Variants in DIP2A observed in about 807,000 individuals in gnomAD.
DIP2A encodes disco-interacting protein 2 homolog A.
A neutral mutation model predicts 177.4 loss-of-function variants in DIP2A; 85 were observed. The ratio of observed to expected loss-of-function variants is 0.48; its 90% CI spans 0.40 to 0.57. The LOEUF is 0.57. Among genes scored for constraint, DIP2A ranks in the 20% least tolerant of loss-of-function variants. The pLI is 0.00. For missense variants in DIP2A, 1,791 were observed against 2,100.2 expected, an observed-to-expected ratio of 0.85 and a Z score of 2.88; for synonymous variants, 886 against 881.8, an observed-to-expected ratio of 1.00 and a Z score of -0.08.
intron 1 of DIP2A, among the ~76,000 whole-genome samples, chr21:46,480,406 AC>A (rs2056263201): frequency 6.6e-6 from 1 of 152,178 alleles, no homozygotes; most frequent in African/African-American, 2.4e-5. Flanking sequence ...CTCCCATGAC[AC>A]GTGGGGATTA....
rs191865138 is a variant in DIP2A at position 46,561,017 on chromosome 21, A to T, written c.4031+234A>T. The T allele has an allele frequency of 4.2e-3, 4,103 of 985,312 alleles. 5 individuals are homozygous for T. The highest frequency in any genetic ancestry group is 4.6e-3 in the Non-Finnish European group (3,808 of 829,864). The allele number at this position is 985,312 out of a possible 1,614,324, so 61.0% of individuals were successfully genotyped here. A position where few individuals can be genotyped will look rare whatever the true frequency, so the allele number is the denominator to read the frequency against. ...CCACTCCGGGCGTGCCTCCCAGGGG[A>T]GCTCAGTGTCTATCTCTGTGCGCCC... On this transcript the variant is annotated intron_variant, in intron 33 of 37. Coordinates refer to ENST00000417564, the MANE Select transcript of DIP2A (RefSeq NM_015151.4).
chr21:46,554,413 T>C (rs962064757), intron 26 of DIP2A, 121 bp downstream of exon 26: 5 of 1,548,808 alleles, frequency 3.2e-6, no homozygotes, highest in South Asian at 2.4e-5. Context: ...CCCTCCTCTC[T>C]GCATGTGTCT....
At chr21:46,573,013 A>T (rs990330979), downstream of DIP2A, among the ~76,000 whole-genome samples, 1 of 152,008 alleles carries the variant, frequency 6.6e-6, no homozygotes, top group Admixed American at 6.6e-5. Context: ...ATACATATAC[A>T]CTGTATGTTG....
rs557702816 is a variant in DIP2A, at chr21:46,490,715, G to A, written c.279G>A (p.Arg93=). The change falls in exon 3 of 38, where the codon CGG becomes CGA. Residue 93 remains arginine (R), a synonymous_variant. Transcript: ENST00000417564. ...CCGCCTCGAGGGATGAGCGCTTCCG[G>A]TCAGGTAGGGTCACAGCCTAGGCAG... The part of the protein sequence containing the change: ...RPTASRDERF[R]SDVHTEAVQA... 2 of 1,572,762 alleles carry A rather than the reference G, an allele frequency of 1.3e-6. No individual in the cohort carries two copies. Among genetic ancestry groups the A allele is most frequent in the Non-Finnish European group, 1.7e-6 (2 of 1,159,136 alleles).
chr21:46,504,261 C>T (rs2057859058), intron 5 of DIP2A, 100 bp from the exon 6 acceptor site: 1 of 1,477,212 alleles, frequency 6.8e-7, no homozygotes, highest in Non-Finnish European at 9.3e-7. Context: ...CCACTTAGAA[C>T]TCAGCTAGTG....
At chr21:46,482,931 C>T (rs1326357374) in intron 1 of DIP2A, among the ~76,000 whole-genome samples, 2 of 152,130 alleles carry the variant, frequency 1.3e-5, no homozygotes, top group Non-Finnish European at 2.9e-5. Flanking sequence ...AAGTTGTGCA[C>T]AAGTTGAAAT....
intron 5 of DIP2A, among the ~76,000 whole-genome samples, chr21:46,503,922 C>T (rs529339502): frequency 2.0e-5 from 3 of 152,180 alleles, no homozygotes; most frequent in East Asian, 1.9e-4. Context: ...GACGGGGTTT[C>T]GCCATGTTGG....
At position 46,567,624 on chromosome 21, in the gene DIP2A, C is replaced by T. The variant is rs1021487019; in HGVS notation, c.*2C>T. 1.1e-5 allele frequency: 17 copies of T among 1,577,696 alleles called. No homozygotes were observed. The highest frequency in any genetic ancestry group is 1.2e-5 in the Non-Finnish European group (14 of 1,159,592). Reference sequence around the variant, plus strand: ...ATCTATGTCGCCTACAACATGTGAGCGCAGCACACCGGCCCAGGTGCCGGA... The same window carrying T: ...ATCTATGTCGCCTACAACATGTGAGTGCAGCACACCGGCCCAGGTGCCGGA... On this transcript the variant is annotated 3_prime_UTR_variant, in exon 38 of 38. Coordinates refer to ENST00000417564, the MANE Select transcript of DIP2A (RefSeq NM_015151.4).
At position 46,557,392 on chromosome 21, in the gene DIP2A, T is replaced by G. The variant is rs910996602; in HGVS notation, c.3630-193T>G. ...CCTCTCCAAGTGTTCGGAGCAGAGC[T>G]CAGAACCCCGTGCCTGCCATCCCCC... On this transcript the variant is annotated intron_variant, in intron 30 of 37. Coordinates refer to ENST00000417564, the MANE Select transcript of DIP2A (RefSeq NM_015151.4). The surrounding 1 kb of genome is among the most constrained non-coding windows in gnomAD (Gnocchi z 6.0). 1.4e-6 allele frequency: 1 copy of G among 728,044 alleles called. No homozygotes were observed. Among genetic ancestry groups the G allele is most frequent in the African/African-American group, 1.8e-5 (1 of 56,272 alleles). 45.1% of individuals were successfully genotyped at this position (728,044 alleles called of 1,614,324 possible). A position where few individuals can be genotyped will look rare whatever the true frequency, so the allele number is the denominator to read the frequency against.
At chr21:46,477,377 A>C in intron 1 of DIP2A, among the ~76,000 whole-genome samples, 1 of 151,304 alleles carries the variant, frequency 6.6e-6, no homozygotes, top group South Asian at 2.1e-4. Flanking sequence ...AAATACAAAA[A>C]TTAACGGGGC....
intron 10 of DIP2A, among the ~76,000 whole-genome samples, 183 bp from the exon 11 acceptor site, chr21:46,533,341 A>T (rs555671233): frequency 6.6e-6 from 1 of 152,246 alleles, no homozygotes; most frequent in Non-Finnish European, 1.5e-5. Flanking sequence ...CATAGTTGTC[A>T]CATTTTCATG....
At chr21:46,532,308 T>C (rs2059387414) in intron 10 of DIP2A, 71 bp downstream of exon 10, 1 of 1,284,450 alleles carries the variant, frequency 7.8e-7, no homozygotes, top group South Asian at 1.3e-5. Context: ...CTTACTTCCT[T>C]TTCACTCATG....
At chr21:46,543,999 G>A (rs2059929574) in intron 18 of DIP2A, among the ~76,000 whole-genome samples, 1 of 152,194 alleles carries the variant, frequency 6.6e-6, no homozygotes, top group South Asian at 2.1e-4. Context: ...CTCAAGAAGA[G>A]GCACAGAAGG....
chr21:46,481,849 T>C (rs779997418), intron 1 of DIP2A, among the ~76,000 whole-genome samples: 1 of 152,026 alleles, frequency 6.6e-6, no homozygotes, highest in Admixed American at 6.6e-5. Context: ...TCAGGAGTTC[T>C]AGACCAGCCT....
intron 13 of DIP2A, among the ~76,000 whole-genome samples, chr21:46,536,963 T>A (rs1414132627): frequency 1.3e-5 from 2 of 151,878 alleles, no homozygotes; most frequent in African/African-American, 4.8e-5. Context: ...GCTTCTTCAG[T>A]ATGTGATGTT....
At chr21:46,478,414 G>A (rs1465271784) in intron 1 of DIP2A, among the ~76,000 whole-genome samples, 1 of 152,030 alleles carries the variant, frequency 6.6e-6, no homozygotes, top group African/African-American at 2.4e-5. Flanking sequence ...GTTTCTCCAT[G>A]TTGGTCAGGC....
chr21:46,532,957 A>C (rs796494414), intron 10 of DIP2A, among the ~76,000 whole-genome samples: 2 of 152,340 alleles, frequency 1.3e-5, no homozygotes, highest in African/African-American at 4.8e-5. Context: ...AAAATTTGCA[A>C]ATCAAACTAG....
At chr21:46,523,519 A>G (rs556162478) in intron 8 of DIP2A, among the ~76,000 whole-genome samples, 22 of 148,686 alleles carry the variant, frequency 1.5e-4, no homozygotes, top group Non-Finnish European at 3.0e-4. Flanking sequence ...TGCTGGGATT[A>G]CAGGTATGAG....
At position 46,551,660 on chromosome 21, in the gene DIP2A, G is replaced by A. The variant is rs772513298; in HGVS notation, c.2866G>A (p.Gly956Arg). ...PEVGPASMIV[G>R]NLVAGKRIAQ... ...GGTTGGACCAGCCTCAATGATCGTG[G>A]GGAACCTGGTTGCTGGGAAGAGAAT... The change falls in exon 24 of 38, where the codon GGG (glycine) becomes AGG (arginine). Residue 956 changes from glycine to arginine, a missense_variant. Gly to Arg is a moderately radical substitution (Grantham distance 125, BLOSUM62 -2). Transcript: ENST00000417564. The A allele has an allele frequency of 6.2e-7, 1 of 1,613,986 alleles. No individual in the cohort carries two copies. Among genetic ancestry groups the A allele is most frequent in the Non-Finnish European group, 8.5e-7 (1 of 1,179,890 alleles).
Sources: gnomAD v4.1 joint callset for allele counts (sites outside exome capture counted in the v4.1 genomes callset) on GRCh38, gnomAD v4.1.1 for gene constraint, Gnocchi (gnomAD v3.1) non-coding constraint, MANE v1.5 for transcripts, NCBI Gene and HGNC (gene_info 2026-07-23, HGNC 2026-07-21) for gene names.